Variants in CMBL observed in about 807,000 individuals in gnomAD.
CMBL encodes the protein carboxymethylenebutenolidase homolog (Pseudomonas).
CMBL carries 17 observed loss-of-function variants against 28.7 expected under a neutral mutation model. The observed-to-expected ratio is 0.59, with a 90% CI of 0.41 to 0.89. CMBL has a LOEUF of 0.89. Ranked by LOEUF, CMBL falls within the 40% of genes least tolerant of loss-of-function variation. The pLI, the probability that CMBL is intolerant of heterozygous loss-of-function variation, is 0.00. For missense variants in CMBL, 310 were observed against 298.5 expected (o/e 1.04, Z -0.28); for synonymous variants, 106 against 101.6 (o/e 1.04, Z -0.26).
At chr5:10,307,395 C>T (rs910519725) in intron 1 of CMBL, 3 of 152,168 alleles carry the variant, frequency 2.0e-5, no homozygotes, top group African/African-American at 7.2e-5. Context: ...AGGAAAATAC[C>T]AAAATGTAAA....
At position 10,289,862 on chromosome 5, in the gene CMBL, T is replaced by A. The variant is rs904484900; in HGVS notation, c.215+686A>T. Among the ~76,000 whole-genome samples the A allele has an allele frequency of 6.6e-6, 1 of 152,130 alleles. No homozygotes were observed. The highest frequency in any genetic ancestry group is 1.5e-5 in the Non-Finnish European group (1 of 68,022). ...CTCGGGTTTCCAGCTTCTCCTTCTGTGAAAACAAAGGAAATCCAGCCGTGC... is the reference window on the plus strand; with the variant it reads ...CTCGGGTTTCCAGCTTCTCCTTCTGAGAAAACAAAGGAAATCCAGCCGTGC... On this transcript the variant is annotated intron_variant, in intron 2 of 5. Coordinates refer to ENST00000296658, the MANE Select transcript of CMBL (RefSeq NM_138809.4). This position sits in a 1 kb window ranked among gnomAD's most constrained non-coding sequence, Gnocchi z 4.3.
chr5:10,290,128 A>AC (rs1416634091), intron 2 of CMBL, among the ~76,000 whole-genome samples: 2 of 152,192 alleles, frequency 1.3e-5, no homozygotes, highest in East Asian at 3.9e-4. Context: ...ACGTGTATGG[A>AC]CCAGGAGGAG....
intron 1 of CMBL, among the ~76,000 whole-genome samples, chr5:10,295,710 A>G (rs1746797274): frequency 6.6e-6 from 1 of 152,228 alleles, no homozygotes; most frequent in Non-Finnish European, 1.5e-5. Flanking sequence ...ACAGGCCCTC[A>G]GCAGACATTG....
chr5:10,293,703 A>C (rs1481214253), intron 1 of CMBL, among the ~76,000 whole-genome samples: 1 of 152,236 alleles, frequency 6.6e-6, no homozygotes, highest in Admixed American at 6.5e-5. Context: ...AAGACTCTAG[A>C]ACCAGACTCA....
rs1256102590 is a variant in CMBL, at chr5:10,280,425, T to C, written c.*28A>G. ...CAAGCAAATTTTGGGATGAAAGCTA[T>C]TCTAGGAAGGCTTGCCCTTGATTCT... On this transcript the variant is annotated 3_prime_UTR_variant, in exon 6 of 6. Coordinates refer to ENST00000296658, the MANE Select transcript of CMBL (RefSeq NM_138809.4). 1 of 1,539,568 alleles carries C rather than the reference T, an allele frequency of 6.5e-7. No individual in the cohort carries two copies. Among genetic ancestry groups the C allele is most frequent in the South Asian group, 1.2e-5 (1 of 81,096 alleles).
chr5:10,294,344 G>A (rs897386358), intron 1 of CMBL, among the ~76,000 whole-genome samples: 10 of 152,122 alleles, frequency 6.6e-5, no homozygotes, highest in African/African-American at 2.4e-4. Context: ...GGAGGCTGAG[G>A]TGGGAGGATT....
chr5:10,295,955 T>C (rs979049973), intron 1 of CMBL, among the ~76,000 whole-genome samples: 9 of 152,214 alleles, frequency 5.9e-5, no homozygotes, highest in Admixed American at 4.6e-4. Flanking sequence ...ACATGCTATC[T>C]AGCATTGCTA....
At chr5:10,282,400 G>T in intron 4 of CMBL, 112 bp from the exon 5 acceptor site, 1 of 646,922 alleles carries the variant, frequency 1.5e-6, no homozygotes. Context: ...TGCAACATTT[G>T]GGTTTGATTT....
chr5:10,289,844 T>C lies in CMBL; in HGVS notation c.215+704A>G, dbSNP rs1405548840. Among the ~76,000 whole-genome samples, 2 of 152,218 alleles carry C rather than the reference T, an allele frequency of 1.3e-5. No individual in the cohort carries two copies. Among genetic ancestry groups the C allele is most frequent in the African/African-American group, 4.8e-5 (2 of 41,446 alleles). On this transcript the variant is annotated intron_variant, in intron 2 of 5. Coordinates refer to ENST00000296658, the MANE Select transcript of CMBL (RefSeq NM_138809.4). This position sits in a 1 kb window ranked among gnomAD's most constrained non-coding sequence, Gnocchi z 4.3. ...AAACAAGGTAGGCTCATCCTCGGGT[T>C]TCCAGCTTCTCCTTCTGTGAAAACA...
At chr5:10,299,096 T>C (rs577277568) in intron 1 of CMBL, among the ~76,000 whole-genome samples, 1 of 152,036 alleles carries the variant, frequency 6.6e-6, no homozygotes, top group Admixed American at 6.6e-5. Flanking sequence ...AAGATAATGA[T>C]TAACATTAAT....
chr5:10,291,232 G>A lies in CMBL; in HGVS notation c.-19-451C>T, dbSNP rs1040978399. 2.6e-5 allele frequency among the ~76,000 whole-genome samples: 4 copies of A among 152,250 alleles called. No homozygotes were observed. The East Asian group carries it at 7.7e-4, about 29-fold the overall frequency. On this transcript the variant is annotated intron_variant, in intron 1 of 5. Transcript: ENST00000296658. ...AGACGGGAATTTGTAAGAGACCCAC[G>A]CCTGCAATGTCGAGCCCCAAAGGTT...
At position 10,286,372 on chromosome 5, in the gene CMBL, C is replaced by T. The variant is rs34487157; in HGVS notation, c.448G>A (p.Ala150Thr). 3.4e-4 allele frequency: 552 copies of T among 1,613,896 alleles called. 6 individuals carry two copies. In the African/African-American group the frequency reaches 6.7e-3, roughly 19 times the overall value. The change falls in exon 4 of 6, where the codon GCA becomes ACA. Residue 150 changes from alanine (A) to threonine (T), a missense_variant. By Grantham distance (58) the Ala-to-Thr change is moderately conservative. Coordinates refer to ENST00000296658, the MANE Select transcript of CMBL (RefSeq NM_138809.4). ...HLMMKYSEFR[A>T]GVSVYGIVKD... ...GATTTACCATAGACGGACACCCCTG[C>T]CCTGAATTCTGAGTATTTCATCATC...
In CMBL at chr5:10,277,781, A is replaced by G. The variant is rs1215922732; in HGVS notation, c.*2672T>C. 6.6e-6 allele frequency among the ~76,000 whole-genome samples: 1 copy of G among 152,230 alleles called. No individual in the cohort carries two copies. The highest frequency in any genetic ancestry group is 1.5e-5 in the Non-Finnish European group (1 of 68,044). On this transcript the variant is annotated 3_prime_UTR_variant, in exon 6 of 6. Transcript: ENST00000296658. ...ATACTTCTATCTGCAGTGCTGGTTC[A>G]GAACACCATGACATTTGACCAAAGG...
chr5:10,283,898 A>G (rs1280448486), intron 4 of CMBL, among the ~76,000 whole-genome samples: 1 of 152,256 alleles, frequency 6.6e-6, no homozygotes, highest in Admixed American at 6.5e-5. Flanking sequence ...ATGCGAAAAT[A>G]AGTAAGTAAA....
chr5:10,280,720 A>G, intron 5 of CMBL, 88 bp from the exon 6 acceptor site: 2 of 1,110,272 alleles, frequency 1.8e-6, no homozygotes, highest in Non-Finnish European at 2.6e-6. Context: ...ACAGAAATTT[A>G]ACATCAATGC....
intron 3 of CMBL, among the ~76,000 whole-genome samples, chr5:10,288,094 C>A (rs940300772): frequency 9.9e-5 from 15 of 151,444 alleles, no homozygotes; most frequent in Middle Eastern, 3.4e-3. Context: ...ATGGTGAAAC[C>A]CCGTCTCTAC....
intron 3 of CMBL, among the ~76,000 whole-genome samples, chr5:10,288,143 T>C (rs1340143268): frequency 1.3e-5 from 2 of 151,848 alleles, no homozygotes; most frequent in African/African-American, 2.4e-5. Context: ...GGCAGGCGCC[T>C]GTAATCCCAG....
rs575483192 is a variant in CMBL at position 10,293,832 on chromosome 5, A to G, written c.-19-3051T>C. ...ACAAATAAAAATCCCTGACCTCAGG[A>G]AGCACATTCTAGTGGGATGAAATAT... On this transcript the variant is annotated intron_variant, in intron 1 of 5. Coordinates refer to ENST00000296658, the MANE Select transcript of CMBL (RefSeq NM_138809.4). Among the ~76,000 whole-genome samples, 4 of 152,368 alleles carry G rather than the reference A, an allele frequency of 2.6e-5. No homozygotes were observed. In the South Asian group the frequency reaches 8.3e-4, roughly 32 times the overall value.
chr5:10,288,262 CAA>C (rs1052711789), intron 3 of CMBL, among the ~76,000 whole-genome samples, 158 bp downstream of exon 3: 2 of 151,504 alleles, frequency 1.3e-5, no homozygotes, highest in African/African-American at 4.8e-5. Context: ...AGAGCAAAAA[CAA>C]AAAAAAATTT....
Sources: allele counts gnomAD v4.1 joint callset (sites outside exome capture counted in the v4.1 genomes callset), GRCh38; gene constraint gnomAD v4.1.1; non-coding constraint Gnocchi (gnomAD v3.1); transcripts MANE v1.5; gene names NCBI Gene and HGNC (gene_info 2026-07-23, HGNC 2026-07-21).